Variants in PHF8 observed in about 807,000 individuals in gnomAD.
PHF8 encodes histone lysine demethylase PHF8.
PHF8 carries 9 observed loss-of-function variants against 74.4 expected under a neutral mutation model. The ratio of observed to expected loss-of-function variants is 0.12; its 90% CI spans 0.07 to 0.21. The LOEUF is 0.21. Ranked by LOEUF, PHF8 falls within the 10% of genes least tolerant of loss-of-function variation. The pLI is 1.00. For missense variants in PHF8, 478 were observed against 816.6 expected, an observed-to-expected ratio of 0.59 and a Z score of 5.05; for synonymous variants, 311 against 316.6, an observed-to-expected ratio of 0.98 and a Z score of 0.19.
At chrX:54,016,135 G>A (rs1391484177) in intron 6 of PHF8, among the ~76,000 whole-genome samples, 1 of 111,753 alleles carries the variant, frequency 8.9e-6, no homozygotes, top group Non-Finnish European at 1.9e-5. Context: ...TACAACGTGA[G>A]CAGCTACCCT....
Position 54,042,811 on chromosome X carries a change from T to C in PHF8, c.-83A>G, listed in dbSNP as rs1428921667. On this transcript the variant is annotated 5_prime_UTR_variant, in exon 2 of 22. Transcript: ENST00000338154. ...GGGAGGCGGCAGCACGCGTCCTCTC[T>C]GGACGATAGCTAGGCACAAATAACA... 5 of 1,150,560 alleles carry C rather than the reference T, an allele frequency of 4.3e-6. No homozygotes were observed. The African/African-American group carries it at 5.4e-5, about 12-fold the overall frequency. 94.8% of individuals were successfully genotyped at this position (1,150,560 alleles called of 1,213,427 possible). A position where few individuals can be genotyped will look rare whatever the true frequency, so the allele number is the denominator to read the frequency against.
chrX:54,041,918 C>T (rs868977775), intron 2 of PHF8, among the ~76,000 whole-genome samples: 10 of 112,449 alleles, frequency 8.9e-5, no homozygotes, highest in African/African-American at 3.2e-4. Flanking sequence ...AAAGCCACAA[C>T]TTAAATCCCT....
intron 18 of PHF8, among the ~76,000 whole-genome samples, chrX:53,977,139 A>T (rs2065391859): frequency 9.0e-6 from 1 of 111,241 alleles, no homozygotes; most frequent in Non-Finnish European, 1.9e-5. Flanking sequence ...GTTCAAGACC[A>T]GCCTGGCCAA....
intron 7 of PHF8, among the ~76,000 whole-genome samples, chrX:54,012,169 ATAT>A (rs1166662699): frequency 3.6e-5 from 4 of 111,173 alleles, no homozygotes; most frequent in Non-Finnish European, 5.7e-5. Context: ...ATATAAAGAA[ATAT>A]TATGTCTTTA....
intron 2 of PHF8, among the ~76,000 whole-genome samples, chrX:54,030,645 C>T (rs1350290081): frequency 8.9e-6 from 1 of 111,804 alleles, no homozygotes; most frequent in Non-Finnish European, 1.9e-5. Context: ...TTGAAGTTAG[C>T]ATAAAAGGCA....
At chrX:54,009,866 A>G (rs1419869575) in intron 8 of PHF8, among the ~76,000 whole-genome samples, 1 of 93,591 alleles carries the variant, frequency 1.1e-5, no homozygotes, top group African/African-American at 4.4e-5. Context: ...AAAAAAAAAA[A>G]AAAAAAAAAA....
intron 18 of PHF8, among the ~76,000 whole-genome samples, chrX:53,965,195 G>A (rs2065165812): frequency 8.9e-6 from 1 of 111,746 alleles, no homozygotes; most frequent in African/African-American, 3.3e-5. Flanking sequence ...ACACACACAC[G>A]AAGAGGGTGC....
At chrX:53,940,833 T>C (rs961939214) in intron 20 of PHF8, among the ~76,000 whole-genome samples, 2 of 112,649 alleles carry the variant, frequency 1.8e-5, no homozygotes, top group Non-Finnish European at 3.7e-5. Context: ...ACACGTCTAA[T>C]GATAATAACT....
At chrX:53,958,705 G>A (rs2065053725) in intron 19 of PHF8, among the ~76,000 whole-genome samples, 1 of 102,694 alleles carries the variant, frequency 9.7e-6, no homozygotes, top group Admixed American at 1.1e-4. Flanking sequence ...GAACCCAGGA[G>A]GCGGAGCTTG....
chrX:53,986,656 T>C (rs1426955968), intron 16 of PHF8, among the ~76,000 whole-genome samples: 1 of 112,434 alleles, frequency 8.9e-6, no homozygotes, highest in African/African-American at 3.2e-5. Context: ...AATATTTCAC[T>C]GTATGCAGTG....
intron 20 of PHF8, chrX:53,942,717 G>A (rs1557083904): frequency 1.4e-6 from 1 of 737,960 alleles, no homozygotes; most frequent in Non-Finnish European, 1.6e-6. Context: ...CTGAAATAAA[G>A]TGGTGGTAGG....
upstream of PHF8, among the ~76,000 whole-genome samples, chrX:54,048,081 C>G (rs1232294311): frequency 2.7e-5 from 3 of 110,130 alleles, no homozygotes; most frequent in African/African-American, 1.0e-4. Context: ...CCCAGCTACT[C>G]AGGAGGCTGA....
intron 19 of PHF8, among the ~76,000 whole-genome samples, chrX:53,956,411 C>T (rs1159642825): frequency 9.0e-6 from 1 of 111,485 alleles, no homozygotes; most frequent in Non-Finnish European, 1.9e-5. Flanking sequence ...GCATTTTCAG[C>T]TTAGTGGGAA....
intron 10 of PHF8, among the ~76,000 whole-genome samples, chrX:54,001,872 C>A (rs782619585): frequency 5.4e-5 from 6 of 111,301 alleles, no homozygotes; most frequent in Non-Finnish European, 1.1e-4. Context: ...GCCATGATCA[C>A]ACCACTGCAC....
intron 14 of PHF8, 140 bp downstream of exon 14, chrX:53,992,596 A>G: frequency 4.1e-6 from 2 of 492,921 alleles, no homozygotes; most frequent in Non-Finnish European, 3.7e-6. Flanking sequence ...GCAACAATAC[A>G]TTATAATATC....
intron 19 of PHF8, among the ~76,000 whole-genome samples, chrX:53,958,131 T>G (rs989946056): frequency 2.9e-5 from 3 of 104,055 alleles, no homozygotes; most frequent in Non-Finnish European, 5.9e-5. Flanking sequence ...AACCGCCACC[T>G]CCCGGGTTCA....
chrX:54,015,525 G>A (rs1557107826), intron 6 of PHF8, among the ~76,000 whole-genome samples: 1 of 95,655 alleles, frequency 1.0e-5, no homozygotes, highest in Non-Finnish European at 2.0e-5. Context: ...GCAGTGAGCC[G>A]AGATCATGCC....
intron 2 of PHF8, among the ~76,000 whole-genome samples, chrX:54,036,594 A>AC (rs2066462353): frequency 1.9e-5 from 2 of 105,682 alleles, no homozygotes; most frequent in Non-Finnish European, 3.9e-5. Flanking sequence ...AAAAAAAAAA[A>AC]AAAAAACTTT....
chrX:54,006,354 C>G (rs1486460035), intron 8 of PHF8, among the ~76,000 whole-genome samples: 1 of 110,151 alleles, frequency 9.1e-6, no homozygotes, highest in Non-Finnish European at 1.9e-5. Context: ...TGGTAGTGTA[C>G]ATCTGTGGTC....
Sources: gnomAD v4.1 joint callset for allele counts (sites outside exome capture counted in the v4.1 genomes callset) on GRCh38, gnomAD v4.1.1 for gene constraint, MANE v1.5 for transcripts, NCBI Gene and HGNC (gene_info 2026-07-23, HGNC 2026-07-21) for gene names.